Variants in EIF3J observed in about 807,000 individuals in gnomAD.
EIF3J encodes the protein eukaryotic translation initiation factor 3 subunit J, also known as eukaryotic translation initiation factor 3, subunit 1 (alpha, 35kD).
A neutral mutation model predicts 39.0 loss-of-function variants in EIF3J; 15 were observed. That is an observed-to-expected ratio of 0.38 (90% CI 0.26 to 0.59). EIF3J has a LOEUF of 0.59. EIF3J is among the 20% of genes least tolerant of loss of function. EIF3J has a pLI of 0.60. For missense variants in EIF3J, 226 were observed against 308.6 expected, an observed-to-expected ratio of 0.73 and a Z score of 2.00; for synonymous variants, 98 against 112.9, an observed-to-expected ratio of 0.87 and a Z score of 0.84.
intron 4 of EIF3J, 130 bp from the exon 5 acceptor site, chr15:44,554,423 T>A: frequency 2.7e-6 from 1 of 363,658 alleles, no homozygotes; most frequent in Non-Finnish European, 5.1e-6. Flanking sequence ...GAAGAATGCC[T>A]GAAACAGTAA....
chr15:44,544,731 AG>A (rs2140892553), intron 2 of EIF3J, among the ~76,000 whole-genome samples: 1 of 121,738 alleles, frequency 8.2e-6, no homozygotes, highest in African/African-American at 3.1e-5. Flanking sequence ...AAAAGGTGGG[AG>A]GGGCCAGGCA....
At chr15:44,560,183 ATTTAGC>A in intron 6 of EIF3J, 60 bp from the exon 7 acceptor site, 1 of 1,339,516 alleles carries the variant, frequency 7.5e-7, no homozygotes, top group Non-Finnish European at 1.0e-6. Flanking sequence ...GAATGTACAT[ATTTAGC>A]TTTAACTTTT....
chr15:44,552,084 G>A (rs2082104065), intron 4 of EIF3J, among the ~76,000 whole-genome samples: 1 of 151,996 alleles, frequency 6.6e-6, no homozygotes, highest in Non-Finnish European at 1.5e-5. Flanking sequence ...GCCTCCCAAA[G>A]TCCTGGGATT....
chr15:44,537,820 C>T (rs558780438), intron 2 of EIF3J, among the ~76,000 whole-genome samples: 1 of 152,322 alleles, frequency 6.6e-6, no homozygotes, highest in East Asian at 1.9e-4. Flanking sequence ...TCTTTTCGAG[C>T]TCAAGTCAGC....
At chr15:44,553,642 A>G in intron 4 of EIF3J, among the ~76,000 whole-genome samples, 1 of 152,216 alleles carries the variant, frequency 6.6e-6, no homozygotes, top group East Asian at 1.9e-4. Context: ...GTAATTTTAT[A>G]ATTATACAAT....
chr15:44,546,431 A>G (rs1227121791), intron 2 of EIF3J, among the ~76,000 whole-genome samples: 2 of 152,234 alleles, frequency 1.3e-5, no homozygotes, highest in African/African-American at 4.8e-5. Flanking sequence ...GATTTTTATT[A>G]AGAACCAAGG....
rs774290941 is a variant in EIF3J, at chr15:44,549,764, C to CAAA, written c.148-1088_148-1086dup. Among the ~76,000 whole-genome samples, 101 of 11,452 alleles carry CAAA rather than the reference C, an allele frequency of 8.8e-3. 11 individuals carry two copies. In the East Asian group the frequency reaches 0.099, roughly 11 times the overall value. The allele number at this position is 11,452 out of a possible 152,430, so 7.5% of individuals were successfully genotyped here. On this transcript the variant is annotated intron_variant, in intron 2 of 7. Coordinates refer to ENST00000261868, the MANE Select transcript of EIF3J (RefSeq NM_003758.4). ...TGGGCGACAGAACGAGACTCCGTCT[C>CAAA]AAAAAAAAAAAAAAAAAAAAAAAAA...
At chr15:44,539,810 C>T (rs182045495) in intron 2 of EIF3J, among the ~76,000 whole-genome samples, 45 of 151,686 alleles carry the variant, frequency 3.0e-4, no homozygotes, top group African/African-American at 9.2e-4. Context: ...CCCCGTTTCC[C>T]AGGCTGGAGT....
chr15:44,543,459 G>A (rs117672698), intron 2 of EIF3J, among the ~76,000 whole-genome samples: 1 of 150,356 alleles, frequency 6.7e-6, no homozygotes, highest in East Asian at 1.9e-4. Flanking sequence ...CTGTCTCCAG[G>A]CTGGAGGGCA....
chr15:44,537,885 G>C (rs1010722808), intron 2 of EIF3J, among the ~76,000 whole-genome samples: 1 of 152,208 alleles, frequency 6.6e-6, no homozygotes, highest in African/African-American at 2.4e-5. Context: ...GTTTGTTCGA[G>C]GGATTAGATG....
chr15:44,551,361 A>G, intron 3 of EIF3J, 70 bp from the exon 4 acceptor site: 1 of 996,244 alleles, frequency 1.0e-6, no homozygotes, highest in Non-Finnish European at 1.5e-6. Flanking sequence ...GTATACAAGT[A>G]TCATGTCTGT....
chr15:44,545,838 C>G (rs1379545339), intron 2 of EIF3J, among the ~76,000 whole-genome samples: 1 of 152,276 alleles, frequency 6.6e-6, no homozygotes, highest in East Asian at 1.9e-4. Context: ...GAACTTTGGT[C>G]CATTCAGAGC....
At chr15:44,558,316 TCTC>T (rs2082161678) in intron 6 of EIF3J, among the ~76,000 whole-genome samples, 1 of 152,046 alleles carries the variant, frequency 6.6e-6, no homozygotes, top group African/African-American at 2.4e-5. Context: ...TTAAAGCAAT[TCTC>T]CTGGTCTGGC....
In EIF3J at chr15:44,561,259, A is replaced by G. The variant is rs1044758853; in HGVS notation, c.*110A>G. The G allele has an allele frequency of 3.8e-6, 5 of 1,323,186 alleles. No individual in the cohort carries two copies. In the African/African-American group the frequency reaches 4.4e-5, roughly 12 times the overall value. 82.0% of individuals were successfully genotyped at this position (1,323,186 alleles called of 1,614,324 possible). A position where few individuals can be genotyped will look rare whatever the true frequency, so the allele number is the denominator to read the frequency against. On this transcript the variant is annotated 3_prime_UTR_variant, in exon 8 of 8. Coordinates refer to ENST00000261868, the MANE Select transcript of EIF3J (RefSeq NM_003758.4). ...CAAATGCTACAATCAGAAGTGCAGT[A>G]TCTTTTGTGCTGGTTATTTAACCCC...
chr15:44,555,229 G>T (rs1053796208), intron 5 of EIF3J, among the ~76,000 whole-genome samples: 2 of 152,174 alleles, frequency 1.3e-5, no homozygotes, highest in Non-Finnish European at 2.9e-5. Context: ...GATAAATTCA[G>T]AGTGTTCCAG....
In EIF3J at chr15:44,562,416, A is replaced by G; in HGVS notation, c.*1267A>G. The G allele has an allele frequency of 6.5e-6, 1 of 152,716 alleles. No individual in the cohort carries two copies. The highest frequency in any genetic ancestry group is 2.1e-4 in the South Asian group (1 of 4,826). 9.5% of individuals were successfully genotyped at this position (152,716 alleles called of 1,614,324 possible). A position where few individuals can be genotyped will look rare whatever the true frequency, so the allele number is the denominator to read the frequency against. Reference sequence around the variant, plus strand: ...AAGTATAGATTGGGGAATCTTTATTATGTCTTCTCCTAAGCAGTTTAACCA... The same window carrying G: ...AAGTATAGATTGGGGAATCTTTATTGTGTCTTCTCCTAAGCAGTTTAACCA... On this transcript the variant is annotated 3_prime_UTR_variant, in exon 8 of 8. Transcript: ENST00000261868.
rs533245390 is a variant in EIF3J, at chr15:44,548,380, A to G, written c.148-2496A>G. Among the ~76,000 whole-genome samples, 11 of 152,252 alleles carry G rather than the reference A, an allele frequency of 7.2e-5. 1 individual carries two copies. The South Asian group carries it at 2.3e-3, about 32-fold the overall frequency. On this transcript the variant is annotated intron_variant, in intron 2 of 7. Transcript: ENST00000261868. ...CAGTAAGCTGAGATCGCGCCATTGC[A>G]CTCCAACCTGGGCGACAAGAGTGAA...
At position 44,561,459 on chromosome 15, in the gene EIF3J, G is replaced by A; in HGVS notation, c.*310G>A. 2 of 223,646 alleles carry A rather than the reference G, an allele frequency of 8.9e-6. No individual in the cohort carries two copies. The highest frequency in any genetic ancestry group is 5.1e-5 in the Admixed American group (1 of 19,474). The allele number at this position is 223,646 out of a possible 1,614,324, so 13.9% of individuals were successfully genotyped here. ...AATTGGAAACAAAAGGTTGCAACGT[G>A]ACAAAAAAAATTGTGTAGTATTTAC... On this transcript the variant is annotated 3_prime_UTR_variant, in exon 8 of 8. Coordinates refer to ENST00000261868, the MANE Select transcript of EIF3J (RefSeq NM_003758.4).
At chr15:44,558,347 T>TA (rs1005444566) in intron 6 of EIF3J, among the ~76,000 whole-genome samples, 3 of 152,156 alleles carry the variant, frequency 2.0e-5, no homozygotes, top group Non-Finnish European at 4.4e-5. Context: ...CTCATGCCTG[T>TA]AATCCCAGCA....
Sources: allele counts gnomAD v4.1 joint callset (sites outside exome capture counted in the v4.1 genomes callset), GRCh38; gene constraint gnomAD v4.1.1; transcripts MANE v1.5; gene names NCBI Gene and HGNC (gene_info 2026-07-23, HGNC 2026-07-21).